Variants in ULK4 observed in about 807,000 individuals in gnomAD.
ULK4 encodes the protein inactive serine/threonine-protein kinase ULK4.
A neutral mutation model predicts 160.6 loss-of-function variants in ULK4; 133 were observed. The observed-to-expected ratio is 0.83, with a 90% CI of 0.72 to 0.96. The LOEUF (loss-of-function observed/expected upper bound fraction) is 0.96. Ranked by LOEUF, ULK4 falls within the 40% of genes least tolerant of loss-of-function variation. The probability of loss-of-function intolerance (pLI) is 0.00; values close to 1 mark genes in which losing one functional copy is unlikely to be tolerated. For synonymous variants in ULK4, 534 were observed against 539.8 expected (o/e 0.99, Z 0.15); for missense variants, 1,580 against 1,499.5 (o/e 1.05, Z -0.89).
intron 31 of ULK4, among the ~76,000 whole-genome samples, chr3:41,572,480 T>C (rs1420685888): frequency 6.6e-6 from 1 of 151,770 alleles, no homozygotes; most frequent in Non-Finnish European, 1.5e-5. Flanking sequence ...CATTACACTG[T>C]AAGATAAATA....
intron 35 of ULK4, among the ~76,000 whole-genome samples, chr3:41,279,903 T>C (rs1025266912): frequency 1.2e-4 from 18 of 152,192 alleles, no homozygotes; most frequent in Non-Finnish European, 1.6e-4. Flanking sequence ...ACCCATCTCA[T>C]GTGCAGAGAC....
intron 31 of ULK4, among the ~76,000 whole-genome samples, chr3:41,585,082 A>T (rs1388386898): frequency 6.6e-6 from 1 of 152,198 alleles, no homozygotes; most frequent in Non-Finnish European, 1.5e-5. Flanking sequence ...TCAAATGTCC[A>T]CACTACTCAA....
chr3:41,805,600 G>T (rs1474198776), intron 19 of ULK4, among the ~76,000 whole-genome samples: 1 of 150,972 alleles, frequency 6.6e-6, no homozygotes, highest in Admixed American at 6.6e-5. Context: ...TGCCCATTCA[G>T]TATGATACTG....
At chr3:41,574,055 G>A (rs1436827785) in intron 31 of ULK4, among the ~76,000 whole-genome samples, 1 of 143,980 alleles carries the variant, frequency 6.9e-6, no homozygotes, top group Non-Finnish European at 1.5e-5. Flanking sequence ...GGTGGCGCAT[G>A]CCTATAATCC....
At chr3:41,791,386 TC>T (rs1427784083) in intron 20 of ULK4, among the ~76,000 whole-genome samples, 1 of 152,200 alleles carries the variant, frequency 6.6e-6, no homozygotes, top group African/African-American at 2.4e-5. Flanking sequence ...CACCTCGGCT[TC>T]CCAAAGTGCT....
chr3:41,644,157 CT>C (rs1292810267), intron 30 of ULK4, among the ~76,000 whole-genome samples: 1 of 152,168 alleles, frequency 6.6e-6, no homozygotes, highest in African/African-American at 2.4e-5. Context: ...ATTTGACTTC[CT>C]TTTTTCCTAA....
At chr3:41,841,662 G>A (rs948846531) in intron 17 of ULK4, among the ~76,000 whole-genome samples, 12 of 152,154 alleles carry the variant, frequency 7.9e-5, no homozygotes, top group Admixed American at 2.0e-4. Flanking sequence ...CATCGAGAAC[G>A]GGCCATGATG....
chr3:41,590,498 T>C (rs2125644439), intron 31 of ULK4, among the ~76,000 whole-genome samples: 1 of 135,876 alleles, frequency 7.4e-6, no homozygotes, highest in South Asian at 2.5e-4. Context: ...TAGCCGGGCA[T>C]GGTGGTGTAC....
chr3:41,890,324 GT>G (rs1170426779), intron 16 of ULK4, among the ~76,000 whole-genome samples: 2 of 152,152 alleles, frequency 1.3e-5, no homozygotes, highest in African/African-American at 4.8e-5. Context: ...TCCTGTAGGG[GT>G]TTCAGGAACA....
intron 35 of ULK4, among the ~76,000 whole-genome samples, chr3:41,343,278 T>C (rs944917609): frequency 3.3e-5 from 5 of 150,842 alleles, no homozygotes; most frequent in Admixed American, 6.6e-5. Flanking sequence ...GAAAATGCCA[T>C]TGTCTCAGCC....
chr3:41,369,730 C>G (rs1181528719), intron 35 of ULK4, among the ~76,000 whole-genome samples: 2 of 149,596 alleles, frequency 1.3e-5, no homozygotes, highest in African/African-American at 2.5e-5. Flanking sequence ...GGAGGCAGAG[C>G]TTGCAGTGAG....
intron 35 of ULK4, among the ~76,000 whole-genome samples, chr3:41,353,746 ACTACT>A (rs2080971321): frequency 6.8e-6 from 1 of 146,660 alleles, no homozygotes; most frequent in Non-Finnish European, 1.5e-5. Context: ...TACTACTACT[ACTACT>A]AAAGCAAAAC....
At chr3:41,440,004 T>C (rs1034559403) in intron 34 of ULK4, among the ~76,000 whole-genome samples, 1 of 152,226 alleles carries the variant, frequency 6.6e-6, no homozygotes. Context: ...TTTCAAATTG[T>C]CCATTGCCAG....
chr3:41,543,153 G>A (rs556870414), intron 32 of ULK4, among the ~76,000 whole-genome samples: 6 of 152,152 alleles, frequency 3.9e-5, no homozygotes, highest in African/African-American at 7.2e-5. Context: ...TGACTGCTAG[G>A]TGCCTTCTGT....
intron 31 of ULK4, among the ~76,000 whole-genome samples, chr3:41,613,575 G>A (rs559369122): frequency 6.6e-6 from 1 of 152,128 alleles, no homozygotes; most frequent in East Asian, 1.9e-4. Flanking sequence ...CTAGCTTGGT[G>A]ACAACAATTT....
At chr3:41,338,099 G>C (rs761739380) in intron 35 of ULK4, among the ~76,000 whole-genome samples, 30 of 152,242 alleles carry the variant, frequency 2.0e-4, no homozygotes, top group Admixed American at 3.9e-4. Context: ...TTTGCAAAGA[G>C]AGCCTTTCAG....
intron 30 of ULK4, among the ~76,000 whole-genome samples, chr3:41,638,896 A>C (rs1420351617): frequency 1.3e-5 from 2 of 152,208 alleles, no homozygotes; most frequent in Non-Finnish European, 1.5e-5. Flanking sequence ...TCACAATAAT[A>C]TATTACTTTA....
chr3:41,376,746 C>T (rs550447593), intron 35 of ULK4, among the ~76,000 whole-genome samples: 1 of 150,262 alleles, frequency 6.7e-6, no homozygotes, highest in East Asian at 2.1e-4. Context: ...AATGGAAGAA[C>T]ACTCCATGTT....
intron 22 of ULK4, among the ~76,000 whole-genome samples, chr3:41,731,682 A>G (rs1052171163): frequency 6.6e-6 from 1 of 151,758 alleles, no homozygotes; most frequent in African/African-American, 2.4e-5. Context: ...GGGGGAAAAA[A>G]AAAAAAAAAG....
Sources: gnomAD v4.1 joint callset for allele counts (sites outside exome capture counted in the v4.1 genomes callset) on GRCh38, gnomAD v4.1.1 for gene constraint, MANE v1.5 for transcripts, NCBI Gene and HGNC (gene_info 2026-07-23, HGNC 2026-07-21) for gene names.